ZNF253: variants seen among roughly 807,000 people sequenced by gnomAD.
ZNF253 encodes zinc finger protein 253, also known as DNA-binding protein.
In ZNF253, 8 loss-of-function variants were observed where a neutral mutation model predicts 11.9. That is an observed-to-expected ratio of 0.67 (90% confidence interval 0.40 to 1.22). ZNF253 has a LOEUF of 1.22. Ranked by LOEUF, ZNF253 falls within the 50% of genes most tolerant of loss-of-function variation. ZNF253 has a pLI of 0.01. For synonymous variants in ZNF253, 194 were observed against 194.9 expected, an observed-to-expected ratio of 1.00 and a Z score of 0.04; for missense variants, 485 against 586.9, an observed-to-expected ratio of 0.83 and a Z score of 1.79.
At position 19,892,393 on chromosome 19, in the gene ZNF253, C is replaced by G. The variant is rs1318656938; in HGVS notation, c.1146C>G (p.Thr382=). The part of the protein sequence containing the change: ...ECGKAFNHST[T]LFSHEKIHTG... ...GCAAAGCTTTTAACCATTCCACAAC[C>G]CTTTTTTCACATGAGAAAATTCATA... Residue 382 remains threonine, a synonymous_variant, in exon 4 of 4, where the codon ACC becomes ACG. Coordinates refer to ENST00000589717, the MANE Select transcript of ZNF253 (RefSeq NM_021047.3). The G allele has an allele frequency of 6.2e-7, 1 of 1,613,948 alleles. No individual in the cohort carries two copies. Among genetic ancestry groups the G allele is most frequent in the Admixed American group, 1.7e-5 (1 of 60,010 alleles).
chr19:19,887,854 A>G (rs1352219156), intron 3 of ZNF253, among the ~76,000 whole-genome samples: 1 of 147,954 alleles, frequency 6.8e-6, no homozygotes, highest in Non-Finnish European at 1.5e-5. Flanking sequence ...CTCCTGTCTC[A>G]GCCTCCTGAG....
chr19:19,884,963 A>G (rs1450830149), intron 3 of ZNF253, among the ~76,000 whole-genome samples: 1 of 152,182 alleles, frequency 6.6e-6, no homozygotes, highest in Non-Finnish European at 1.5e-5. Flanking sequence ...GTCCATTTCT[A>G]AATCAAGTTA....
rs776148784 is a variant in ZNF253 at position 19,891,716 on chromosome 19, T to A, written c.469T>A (p.Ser157Thr). 2.5e-6 allele frequency: 4 copies of A among 1,614,100 alleles called. No homozygotes were observed. The Admixed American group carries it at 6.7e-5, about 27-fold the overall frequency. ...ATATGGAAAAGTCTTTCATAAGTTT[T>A]CAAATTCAAACACATATAAGACAAG... ...DKYGKVFHKF[S>T]NSNTYKTRHT... is the part of the protein sequence containing the mutation. The change falls in exon 4 of 4, where the codon TCA becomes ACA. Residue 157 changes from serine (S) to threonine (T), a missense_variant. Ser to Thr is a moderately conservative substitution (Grantham distance 58, BLOSUM62 1). This residue lies in a region of ZNF253 where 218 missense variants were observed against 213.1 expected (regional missense o/e 1.02). Coordinates refer to ENST00000589717, the MANE Select transcript of ZNF253 (RefSeq NM_021047.3).
chr19:19,873,620 T>A (rs998997429), intron 1 of ZNF253, among the ~76,000 whole-genome samples: 3 of 152,150 alleles, frequency 2.0e-5, no homozygotes, highest in Non-Finnish European at 4.4e-5. Flanking sequence ...TTCTCCAGTT[T>A]CTGGTGCTTG....
At chr19:19,867,696 C>G (rs2063117302) in intron 1 of ZNF253, among the ~76,000 whole-genome samples, 1 of 152,224 alleles carries the variant, frequency 6.6e-6, no homozygotes, top group Non-Finnish European at 1.5e-5. Flanking sequence ...TCCAGTCTAC[C>G]ACTGATAGGG....
intron 1 of ZNF253, among the ~76,000 whole-genome samples, chr19:19,872,561 CTA>C (rs58650123): frequency 0.14 from 17,424 of 121,926 alleles, 1,531 homozygotes; most frequent in East Asian, 0.41. Context: ...TAAACCATAA[CTA>C]TATATATATA....
intron 3 of ZNF253, among the ~76,000 whole-genome samples, chr19:19,888,985 C>CA (rs1326409980): frequency 6.6e-6 from 1 of 151,494 alleles, no homozygotes; most frequent in East Asian, 1.9e-4. Context: ...TTATTTTCTG[C>CA]AAAAATTTTT....
chr19:19,885,247 CTT>C lies in ZNF253; in HGVS notation c.226+5103_226+5104del, dbSNP rs775428592. ...TCTTTCTTTCTTTCTTTCTTTCTTT[CTT>C]TCTTTCTTTCTTTCTTTCTTTCTTT... On this transcript the variant is annotated intron_variant, in intron 3 of 3. Coordinates refer to ENST00000589717, the MANE Select transcript of ZNF253 (RefSeq NM_021047.3). 9.3e-5 allele frequency among the ~76,000 whole-genome samples: 6 copies of C among 64,262 alleles called. 1 individual carries two copies. The highest frequency in any genetic ancestry group is 4.7e-4 in the African/African-American group (2 of 4,278). The allele number at this position is 64,262 out of a possible 152,430, so 42.2% of individuals were successfully genotyped here.
At chr19:19,888,669 CAG>C (rs1431228984) in intron 3 of ZNF253, among the ~76,000 whole-genome samples, 2 of 152,048 alleles carry the variant, frequency 1.3e-5, no homozygotes, top group South Asian at 2.1e-4. Context: ...TATTCATTAA[CAG>C]ATGTTTATAA....
intron 3 of ZNF253, among the ~76,000 whole-genome samples, chr19:19,890,776 C>T (rs761300055): frequency 2.0e-5 from 3 of 151,356 alleles, no homozygotes; most frequent in African/African-American, 7.3e-5. Flanking sequence ...ACCTGCCTTG[C>T]CTTACCAAAG....
At chr19:19,883,319 C>T (rs1411628050) in intron 3 of ZNF253, among the ~76,000 whole-genome samples, 2 of 152,042 alleles carry the variant, frequency 1.3e-5, no homozygotes, top group Non-Finnish European at 2.9e-5. Context: ...TTGAAGTGTA[C>T]ATTTCAGGGC....
intron 3 of ZNF253, among the ~76,000 whole-genome samples, chr19:19,891,223 T>G (rs2063228146): frequency 6.6e-6 from 1 of 152,198 alleles, no homozygotes; most frequent in Non-Finnish European, 1.5e-5. Flanking sequence ...TTTCTTTTTC[T>G]TCTATGTGGC....
chr19:19,890,832 A>ATTTTT lies in ZNF253; in HGVS notation c.227-619_227-615dup, dbSNP rs770757608. ...GCCATCATGCCTGGCCAACAATTTA[A>ATTTTT]TTTTTTTTTTTTTTTTTTTTTTTTT... is the stretch of plus-strand genomic sequence containing the variant. On this transcript the variant is annotated intron_variant, in intron 3 of 3. Coordinates refer to ENST00000589717, the MANE Select transcript of ZNF253 (RefSeq NM_021047.3). Among the ~76,000 whole-genome samples the ATTTTT allele has an allele frequency of 3.0e-3, 228 of 76,852 alleles. 9 individuals carry two copies. The highest frequency in any genetic ancestry group is 0.011 in the South Asian group (22 of 2,088). The allele number at this position is 76,852 out of a possible 152,430, so 50.4% of individuals were successfully genotyped here.
At chr19:19,884,405 G>A (rs560035669) in intron 3 of ZNF253, among the ~76,000 whole-genome samples, 17 of 151,332 alleles carry the variant, frequency 1.1e-4, no homozygotes, top group Non-Finnish European at 2.1e-4. Context: ...CGAGTCTCCC[G>A]CTGTCACCCA....
chr19:19,872,417 G>A (rs995901138), intron 1 of ZNF253, among the ~76,000 whole-genome samples: 5 of 151,618 alleles, frequency 3.3e-5, no homozygotes, highest in Non-Finnish European at 7.4e-5. Context: ...TCAGAGAGAC[G>A]TTGAAAATAA....
intron 3 of ZNF253, among the ~76,000 whole-genome samples, chr19:19,888,150 G>A (rs1015298715): frequency 2.0e-5 from 3 of 148,194 alleles, no homozygotes; most frequent in African/African-American, 7.5e-5. Context: ...TGCAACCTCT[G>A]CCTCTAAGGT....
chr19:19,890,832 A>ATTTTTTTTTTTTT (rs770757608), intron 3 of ZNF253, among the ~76,000 whole-genome samples: 1 of 76,834 alleles, frequency 1.3e-5, no homozygotes, highest in Non-Finnish European at 2.3e-5. Flanking sequence ...CAACAATTTA[A>ATTTTTTTTTTTTT]TTTTTTTTTT....
At position 19,891,040 on chromosome 19, in the gene ZNF253, C is replaced by T. The variant is rs190949166; in HGVS notation, c.227-434C>T. ...TATTTTTAGTAGAGACAAGGTTTCACCATCTTGGCCAGGCTGGTCTTGAAC... is the reference window on the plus strand; with the variant it reads ...TATTTTTAGTAGAGACAAGGTTTCATCATCTTGGCCAGGCTGGTCTTGAAC... On this transcript the variant is annotated intron_variant, in intron 3 of 3. Transcript: ENST00000589717. Among the ~76,000 whole-genome samples, 258 of 150,336 alleles carry T rather than the reference C, an allele frequency of 1.7e-3. 2 individuals carry two copies. The highest frequency in any genetic ancestry group is 6.3e-3 in the African/African-American group (250 of 39,964).
At chr19:19,874,271 A>T (rs908168659) in intron 1 of ZNF253, among the ~76,000 whole-genome samples, 5 of 151,800 alleles carry the variant, frequency 3.3e-5, no homozygotes, top group African/African-American at 1.2e-4. Flanking sequence ...CACACCTGTA[A>T]TTTTAGCACT....
Sources: gnomAD v4.1 joint callset for allele counts (sites outside exome capture counted in the v4.1 genomes callset) on GRCh38, gnomAD v4.1.1 for gene constraint, gnomAD v4.1.1 regional missense constraint, MANE v1.5 for transcripts, NCBI Gene and HGNC (gene_info 2026-07-23, HGNC 2026-07-21) for gene names.